Variants in NUBP2 observed in about 807,000 individuals in gnomAD.
NUBP2 encodes the protein NUBP iron-sulfur cluster assembly factor 2, cytosolic.
In NUBP2, 23 loss-of-function variants were observed where a neutral mutation model predicts 24.9. The ratio of observed to expected loss-of-function variants is 0.92; its 90% CI spans 0.66 to 1.31. The LOEUF is 1.31. Ranked by LOEUF, NUBP2 falls within the 50% of genes most tolerant of loss-of-function variation. The pLI, the probability that NUBP2 is intolerant of heterozygous loss-of-function variation, is 0.00. For synonymous variants in NUBP2, 186 were observed against 170.9 expected (o/e 1.09, Z -0.69); for missense variants, 403 against 386.5 (o/e 1.04, Z -0.36).
intron 1 of NUBP2, chr16:1,784,149 G>A (rs1472928627): frequency 1.1e-5 from 6 of 563,864 alleles, no homozygotes; most frequent in Admixed American, 1.3e-4. Flanking sequence ...GAAGTGCAGT[G>A]GCACGATCAT....
intron 1 of NUBP2, chr16:1,786,029 T>TA (rs1409472244): frequency 2.6e-6 from 3 of 1,173,996 alleles, no homozygotes; most frequent in Non-Finnish European, 3.2e-6. Context: ...TCCCCTCACT[T>TA]ACCGCACATT....
chr16:1,786,034 C>T, intron 1 of NUBP2: 3 of 1,167,124 alleles, frequency 2.6e-6, no homozygotes, highest in Non-Finnish European at 3.3e-6. Flanking sequence ...TCACTTACCG[C>T]ACATTGCAGG....
At chr16:1,788,274 C>T (rs1897085503) in intron 6 of NUBP2, 67 bp downstream of exon 6, 7 of 1,378,474 alleles carry the variant, frequency 5.1e-6, no homozygotes, top group Non-Finnish European at 5.7e-6. Context: ...GCGGGTTTGA[C>T]CTCCATGCCC....
rs534211621 is a variant in NUBP2, at chr16:1,785,763, C to T, written c.17-774C>T. The T allele has an allele frequency of 1.1e-4, 139 of 1,289,108 alleles. 2 individuals are homozygous for T. Among genetic ancestry groups the T allele is most frequent in the South Asian group, 9.3e-4 (75 of 81,016 alleles). The allele number at this position is 1,289,108 out of a possible 1,614,324, so 79.9% of individuals were successfully genotyped here. ...GGCTTTGGACTTGGGAGCCTTTGAA[C>T]GTGCCCTTGAGAGGCGGATCAGAAG... On this transcript the variant is annotated intron_variant, in intron 1 of 6. Coordinates refer to ENST00000262302, the MANE Select transcript of NUBP2 (RefSeq NM_012225.4).
chr16:1,788,149 C>G lies in NUBP2; in HGVS notation c.612C>G (p.Ser204Arg). 1.3e-6 allele frequency: 2 copies of G among 1,548,224 alleles called. No individual in the cohort carries two copies. Among genetic ancestry groups the G allele is most frequent in the Non-Finnish European group, 1.7e-6 (2 of 1,151,486 alleles). The change falls in exon 6 of 7, where the codon AGC becomes AGG. Residue 204 changes from serine to arginine, a missense_variant. By Grantham distance (110) the Ser-to-Arg change is moderately radical. Transcript: ENST00000262302. ...CCACCGTCTCCTAGGAGTGCACCAG[C>G]GTCTTCTCCAGGGGCGGCGGAGAGG... The part of the protein sequence containing the change: ...FTCPHCTECT[S>R]VFSRGGGEEL...
chr16:1,787,171 G>A (rs1028221798), intron 3 of NUBP2: 6 of 504,832 alleles, frequency 1.2e-5, no homozygotes, highest in Admixed American at 1.1e-4. Context: ...GAGGGAGTGG[G>A]GTCTGCTGAG....
At chr16:1,784,208 A>G in intron 1 of NUBP2, 1 of 180,972 alleles carries the variant, frequency 5.5e-6, no homozygotes, top group South Asian at 1.9e-4. Flanking sequence ...CTCCCACCTC[A>G]GCCTCCTGAG....
chr16:1,784,991 G>A (rs926261959), intron 1 of NUBP2: 3 of 660,446 alleles, frequency 4.5e-6, no homozygotes, highest in African/African-American at 3.9e-5. Context: ...GGCGGAGGTT[G>A]CAGTGAGCCG....
intron 1 of NUBP2, 75 bp downstream of exon 1, chr16:1,783,111 C>T (rs1896799788): frequency 8.2e-7 from 1 of 1,217,696 alleles, no homozygotes; most frequent in Non-Finnish European, 1.0e-6. Flanking sequence ...CCCGGGGCGG[C>T]CTCGCTGCGT....
chr16:1,783,592 C>A (rs1896823526), intron 1 of NUBP2: 1 of 695,516 alleles, frequency 1.4e-6, no homozygotes, highest in Non-Finnish European at 1.8e-6. Flanking sequence ...TAGTGGGAGC[C>A]GCATTTATCT....
Position 1,787,668 on chromosome 16 carries a change from T to A in NUBP2, c.335-9T>A, listed in dbSNP as rs1204133623. The A allele has an allele frequency of 1.2e-6, 2 of 1,611,576 alleles. No individual in the cohort carries two copies. The highest frequency in any genetic ancestry group is 2.2e-5 in the South Asian group (2 of 91,066). ...TGCCCTGACCGCCCCGTCTGCCCCG[T>A]CTTTGCAGCGCTGATAAAGCAGTTT... On this transcript the variant is annotated splice_polypyrimidine_tract_variant and intron_variant, in intron 3 of 6. Coordinates refer to ENST00000262302, the MANE Select transcript of NUBP2 (RefSeq NM_012225.4).
chr16:1,785,054 A>G (rs1243065457), intron 1 of NUBP2: 40 of 983,096 alleles, frequency 4.1e-5, no homozygotes, highest in Non-Finnish European at 4.8e-5. Context: ...CCCCTCTCAA[A>G]ATAAAAATAT....
At chr16:1,783,094 G>A in intron 1 of NUBP2, 58 bp downstream of exon 1, 1 of 1,227,230 alleles carries the variant, frequency 8.1e-7, no homozygotes, top group Non-Finnish European at 1.0e-6. Context: ...GCCCCGCCGC[G>A]TCCCTTCCCG....
Position 1,783,008 on chromosome 16 carries a change from T to C in NUBP2, c.-13T>C. The C allele has an allele frequency of 2.9e-6, 4 of 1,394,532 alleles. No individual in the cohort carries two copies. The highest frequency in any genetic ancestry group is 1.5e-5 in the South Asian group (1 of 68,006). 86.4% of individuals were successfully genotyped at this position (1,394,532 alleles called of 1,614,324 possible). ...TAAGCGGACTGCAGCCGCGAGCTCC[T>C]GGAGGCGGCGGGATGGAGGCGGCGG... is the stretch of plus-strand genomic sequence containing the variant. On this transcript the variant is annotated 5_prime_UTR_variant, in exon 1 of 7. Coordinates refer to ENST00000262302, the MANE Select transcript of NUBP2 (RefSeq NM_012225.4).
intron 3 of NUBP2, chr16:1,787,232 G>C (rs1377330245): frequency 4.6e-6 from 2 of 439,386 alleles, no homozygotes; most frequent in East Asian, 7.2e-5. Context: ...GCAGGTCATA[G>C]GGGCAGAGCT....
intron 1 of NUBP2, chr16:1,784,635 A>C (rs1385221450): frequency 1.3e-5 from 2 of 148,336 alleles, no homozygotes; most frequent in African/African-American, 5.0e-5. Flanking sequence ...CGAACTCCTG[A>C]CCTCAGGTGA....
Position 1,787,994 on chromosome 16 carries a change from C to G in NUBP2, c.543C>G (p.Gly181=). 2 of 1,605,352 alleles carry G rather than the reference C, an allele frequency of 1.2e-6. No homozygotes were observed. The highest frequency in any genetic ancestry group is 1.7e-6 in the Non-Finnish European group (2 of 1,177,378). Residue 181 remains glycine, a synonymous_variant, in exon 5 of 7, where the codon GGC becomes GGG. Coordinates refer to ENST00000262302, the MANE Select transcript of NUBP2 (RefSeq NM_012225.4). ...RRELTFCRKT[G]LRVMGIVENM... ...AGCTGACCTTCTGTAGGAAGACGGG[C>G]TTGCGGGTGATGGGAATCGTGGAGA... is the stretch of plus-strand genomic sequence containing the variant.
chr16:1,787,899 T>C (rs344358), intron 4 of NUBP2, 42 bp from the exon 5 acceptor site: 1,598,865 of 1,600,234 alleles, frequency 1, 798,756 homozygotes, highest in East Asian at 1. Flanking sequence ...GTGTCCCTGC[T>C]GGTGCGCCTG....
At chr16:1,786,085 T>G (rs960640182) in intron 1 of NUBP2, 4 of 893,266 alleles carry the variant, frequency 4.5e-6, no homozygotes, top group Non-Finnish European at 5.9e-6. Flanking sequence ...AACGCGTGGT[T>G]GTTGCCACCC....
Sources: allele counts gnomAD v4.1 joint callset, GRCh38; gene constraint gnomAD v4.1.1; transcripts MANE v1.5; gene names NCBI Gene and HGNC (gene_info 2026-07-23, HGNC 2026-07-21).